The following RUVBL2 variants were observed in gnomAD, a reference collection of about 807,000 sequenced individuals.
RUVBL2 encodes ruvB-like 2.
RUVBL2 carries 9 observed loss-of-function variants against 57.9 expected under a neutral mutation model. That is an observed-to-expected ratio of 0.16 (90% CI 0.09 to 0.27). The LOEUF is 0.27. Among genes scored for constraint, RUVBL2 ranks in the 10% least tolerant of loss-of-function variants. The pLI, the probability that RUVBL2 is intolerant of heterozygous loss-of-function variation, is 1.00. For missense variants in RUVBL2, 456 were observed against 669.6 expected (o/e 0.68, Z 3.52); for synonymous variants, 278 against 264.6 (o/e 1.05, Z -0.49).
At chr19:49,014,687 G>T in intron 12 of RUVBL2, 84 bp downstream of exon 12, 2 of 1,539,748 alleles carry the variant, frequency 1.3e-6, no homozygotes, top group South Asian at 2.4e-5. Flanking sequence ...AGGTCCAGCG[G>T]AGTGGCATGG....
Position 49,011,284 on chromosome 19 carries a change from C to G in RUVBL2, c.975C>G (p.Ile325Met), listed in dbSNP as rs376800472. The change falls in exon 11 of 15, where the codon ATC becomes ATG. Residue 325 changes from isoleucine to methionine, a missense_variant. By Grantham distance (10) the Ile-to-Met change is conservative. This residue lies in a region of RUVBL2 where 130 missense variants were observed against 243.0 expected (regional missense o/e 0.53). Transcript: ENST00000595090. The surrounding 1 kb of genome is among the most constrained non-coding windows in gnomAD (Gnocchi z 4.4). ...ALESDMAPVL[I>M]MATNRGITRI... Reference sequence around the variant, plus strand: ...AGAGTGACATGGCGCCTGTCCTGATCATGGCCACCAACCGTGGCATCACGC... The same window carrying G: ...AGAGTGACATGGCGCCTGTCCTGATGATGGCCACCAACCGTGGCATCACGC... 1.8e-5 allele frequency: 29 copies of G among 1,613,918 alleles called. No homozygotes were observed. The Admixed American group carries it at 3.0e-4, about 17-fold the overall frequency.
chr19:49,003,395 C>G (rs1177503089), intron 3 of RUVBL2, 61 bp downstream of exon 3: 1 of 1,509,922 alleles, frequency 6.6e-7, no homozygotes, highest in Non-Finnish European at 9.2e-7. Context: ...TAGTGGGTAC[C>G]CAGGGTCCTG....
intron 2 of RUVBL2, among the ~76,000 whole-genome samples, chr19:49,002,410 C>G (rs976859240): frequency 6.6e-6 from 1 of 152,070 alleles, no homozygotes; most frequent in African/African-American, 2.4e-5. Context: ...TTGCTCAACC[C>G]TCATCTAATG....
intron 6 of RUVBL2, among the ~76,000 whole-genome samples, chr19:49,007,842 T>C (rs1361072240): frequency 6.6e-6 from 1 of 151,810 alleles, no homozygotes; most frequent in African/African-American, 2.4e-5. Context: ...GTAGCTGAGA[T>C]TACAGGTGTG....
At position 49,011,342 on chromosome 19, in the gene RUVBL2, C is replaced by G. The variant is rs779222958; in HGVS notation, c.1001+32C>G. On this transcript the variant is annotated intron_variant, in intron 11 of 14. Coordinates refer to ENST00000595090, the MANE Select transcript of RUVBL2 (RefSeq NM_006666.3). This position sits in a 1 kb window ranked among gnomAD's most constrained non-coding sequence, Gnocchi z 4.4. ...CGGCTACAGGGGCCTCTGGGGAAAA[C>G]AGGATGCTCTGGGCAGTGGGTGTGG... 6.4e-7 allele frequency: 1 copy of G among 1,566,048 alleles called. No individual in the cohort carries two copies. The highest frequency in any genetic ancestry group is 1.7e-5 in the Admixed American group (1 of 59,956).
chr19:49,003,165 T>TGCCCAAAA, intron 2 of RUVBL2, 114 bp from the exon 3 acceptor site: 1 of 708,038 alleles, frequency 1.4e-6, no homozygotes, highest in Non-Finnish European at 2.5e-6. Context: ...CAACCCCTGC[T>TGCCCAAAA]CCCTACTCCC....
intron 4 of RUVBL2, among the ~76,000 whole-genome samples, chr19:49,005,631 CTCT>C (rs1308428920): frequency 1.3e-5 from 2 of 150,584 alleles, no homozygotes; most frequent in East Asian, 1.9e-4. Flanking sequence ...TGCTTTCCTA[CTCT>C]TCTTCATTTT....
chr19:49,009,715 G>A (rs1306665004), intron 6 of RUVBL2, 61 bp from the exon 7 acceptor site: 3 of 1,409,980 alleles, frequency 2.1e-6, no homozygotes, highest in Non-Finnish European at 3.0e-6. Flanking sequence ...CAACACTGGG[G>A]GCACTGGGGC....
intron 8 of RUVBL2, 21 bp from the exon 9 acceptor site, chr19:49,010,467 T>TCCGCCCCCC: frequency 7.1e-7 from 1 of 1,401,208 alleles, no homozygotes; most frequent in Non-Finnish European, 9.9e-7. Context: ...CCGCCGTTCT[T>TCCGCCCCCC]CCCCCACCCC....
Position 49,007,067 on chromosome 19 carries a change from C to T in RUVBL2, c.315C>T (p.Gly105=). The T allele has an allele frequency of 6.2e-7, 1 of 1,613,230 alleles. No individual in the cohort carries two copies. Among genetic ancestry groups the T allele is most frequent in the Non-Finnish European group, 8.5e-7 (1 of 1,180,044 alleles). ...ACACGCCATTCACAGCCATCGCCGG[C>T]AGTGAAATCTTCTCCCTGGAGATGA... ...GPDTPFTAIA[G]SEIFSLEMSK... Residue 105 remains glycine, a synonymous_variant, in exon 5 of 15, where the codon GGC becomes GGT. Coordinates refer to ENST00000595090, the MANE Select transcript of RUVBL2 (RefSeq NM_006666.3).
rs766168423 is a variant in RUVBL2 at position 49,007,049 on chromosome 19, A to T, written c.297A>T (p.Pro99=). The T allele has an allele frequency of 4.3e-6, 7 of 1,613,116 alleles. No individual in the cohort carries two copies. The East Asian group carries it at 1.6e-4, about 36-fold the overall frequency. Residue 99 remains proline (P), a synonymous_variant, in exon 5 of 15, where the codon CCA becomes CCT. Coordinates refer to ENST00000595090, the MANE Select transcript of RUVBL2 (RefSeq NM_006666.3). The part of the protein sequence containing the change: ...GMAQALGPDT[P]FTAIAGSEIF... ...CGCAGGCCCTGGGCCCTGACACGCC[A>T]TTCACAGCCATCGCCGGCAGTGAAA...
intron 1 of RUVBL2, among the ~76,000 whole-genome samples, chr19:48,998,953 G>C (rs1300966727): frequency 1.3e-5 from 2 of 152,050 alleles, no homozygotes; most frequent in Non-Finnish European, 2.9e-5. Flanking sequence ...CTTGAACCCA[G>C]GAGGCGGAGG....
chr19:49,014,960 C>T (rs2039513979), intron 12 of RUVBL2, 61 bp from the exon 13 acceptor site: 1 of 1,552,154 alleles, frequency 6.4e-7, no homozygotes, highest in Non-Finnish European at 8.7e-7. Context: ...GCTGTGGCCA[C>T]TTCTGCTGCA....
At chr19:49,003,430 T>C in intron 3 of RUVBL2, 96 bp downstream of exon 3, 1 of 1,134,526 alleles carries the variant, frequency 8.8e-7, no homozygotes, top group Non-Finnish European at 1.3e-6. Context: ...TATGTTACGG[T>C]CTTCTGGACC....
intron 13 of RUVBL2, 165 bp downstream of exon 13, chr19:49,015,315 G>C: frequency 1.1e-6 from 1 of 934,258 alleles, no homozygotes; most frequent in Non-Finnish European, 1.6e-6. Context: ...GCCTATAGTA[G>C]GTATCAGTAA....
At chr19:49,010,187 C>G in intron 8 of RUVBL2, 121 bp downstream of exon 8, 1 of 951,166 alleles carries the variant, frequency 1.1e-6, no homozygotes, top group East Asian at 2.6e-5. Context: ...TGTCCTGGTA[C>G]TCCTGGGTCT....
intron 3 of RUVBL2, 43 bp from the exon 4 acceptor site, chr19:49,004,234 T>TAGC (rs2039240436): frequency 1.2e-6 from 2 of 1,603,342 alleles, no homozygotes; most frequent in Non-Finnish European, 1.7e-6. Context: ...AATGCCATGG[T>TAGC]AGCCCCACAG....
At chr19:48,994,035 C>T in intron 1 of RUVBL2, 112 bp downstream of exon 1, 1 of 1,307,506 alleles carries the variant, frequency 7.6e-7, no homozygotes, top group Non-Finnish European at 1.1e-6. Context: ...TCTGGGGGTT[C>T]AGACTCCTGG....
At chr19:49,015,203 G>C (rs1310971747) in intron 13 of RUVBL2, 53 bp downstream of exon 13, 2 of 1,583,636 alleles carry the variant, frequency 1.3e-6, no homozygotes, top group African/African-American at 2.7e-5. Flanking sequence ...GAGTGACACA[G>C]TACTTCAGGG....
Sources: gnomAD v4.1 joint callset for allele counts (sites outside exome capture counted in the v4.1 genomes callset) on GRCh38, gnomAD v4.1.1 for gene constraint, gnomAD v4.1.1 regional missense constraint, Gnocchi (gnomAD v3.1) non-coding constraint, MANE v1.5 for transcripts, NCBI Gene and HGNC (gene_info 2026-07-23, HGNC 2026-07-21) for gene names.